TRAP1: variants seen among roughly 807,000 people sequenced by gnomAD.
TRAP1 encodes the protein heat shock protein 75 kDa, mitochondrial.
In TRAP1, 102 loss-of-function variants were observed where a neutral mutation model predicts 89.1. That is an observed-to-expected ratio of 1.15 (90% CI 0.98 to 1.35). The LOEUF is 1.35. TRAP1 is among the 40% of genes most tolerant of loss of function. The pLI, the probability that TRAP1 is intolerant of heterozygous loss-of-function variation, is 0.00. For synonymous variants in TRAP1, 508 were observed against 388.0 expected, an observed-to-expected ratio of 1.31 and a Z score of -3.64; for missense variants, 1,256 against 945.3, an observed-to-expected ratio of 1.33 and a Z score of -4.31.
At chr16:3,705,865 T>TA (rs1567245292) in intron 1 of TRAP1, among the ~76,000 whole-genome samples, 119 of 148,766 alleles carry the variant, frequency 8.0e-4, no homozygotes, top group African/African-American at 2.7e-3. Flanking sequence ...ATATATATAT[T>TA]TTTTTTTAGT....
intron 8 of TRAP1, 66 bp from the exon 9 acceptor site, chr16:3,674,560 G>C: frequency 6.4e-7 from 1 of 1,571,120 alleles, no homozygotes; most frequent in Non-Finnish European, 8.6e-7. Flanking sequence ...CCACCGTGCA[G>C]GCCTGAGCCA....
chr16:3,704,620 C>G (rs976031012), intron 1 of TRAP1, among the ~76,000 whole-genome samples: 1 of 152,152 alleles, frequency 6.6e-6, no homozygotes, highest in South Asian at 2.1e-4. Flanking sequence ...GAGATCCAGG[C>G]AGGAGGAGGC....
Position 3,664,333 on chromosome 16 carries a change from T to C in TRAP1, c.1510A>G (p.Asn504Asp), listed in dbSNP as rs1567224056. The C allele has an allele frequency of 6.2e-7, 1 of 1,612,670 alleles. No homozygotes were observed. The highest frequency in any genetic ancestry group is 2.2e-5 in the East Asian group (1 of 44,820). Residue 504 changes from asparagine to aspartate, a missense_variant, in exon 13 of 18, where the codon AAC (asparagine) becomes GAC (aspartate). Coordinates refer to ENST00000246957, the MANE Select transcript of TRAP1 (RefSeq NM_016292.3). ...TRNIYYLCAPNRHLAEHSPYY... is the reference protein window; with the variant it reads ...TRNIYYLCAPDRHLAEHSPYY... ...GGTGAGTGCTCTGCCAGGTGACGGT[T>C]GGGGGCGCACAGGTAGTAGATGTTG...
At chr16:3,709,711 C>T (rs1374008255) in intron 1 of TRAP1, among the ~76,000 whole-genome samples, 3 of 152,078 alleles carry the variant, frequency 2.0e-5, no homozygotes, top group Admixed American at 6.6e-5. Flanking sequence ...AGTGCAGTGG[C>T]GCCATCTCGG....
chr16:3,663,655 A>C, intron 13 of TRAP1, 93 bp from the exon 14 acceptor site: 1 of 1,542,586 alleles, frequency 6.5e-7, no homozygotes, highest in South Asian at 1.2e-5. Flanking sequence ...TGGGGGAGCC[A>C]AGCGGGCCAC....
At chr16:3,712,624 C>A (rs1036685991) in intron 1 of TRAP1, among the ~76,000 whole-genome samples, 3 of 152,130 alleles carry the variant, frequency 2.0e-5, no homozygotes, top group Admixed American at 6.6e-5. Flanking sequence ...GTGTTTGTTT[C>A]CAAGACAGAG....
chr16:3,666,241 T>C, intron 11 of TRAP1, 123 bp from the exon 12 acceptor site: 2 of 1,237,972 alleles, frequency 1.6e-6, no homozygotes, highest in Non-Finnish European at 2.2e-6. Context: ...AAGGTACCGT[T>C]ATTGGCCAAA....
At chr16:3,675,030 C>T (rs2050969923) in intron 8 of TRAP1, 5 of 417,328 alleles carry the variant, frequency 1.2e-5, no homozygotes, top group African/African-American at 2.0e-5. Context: ...GGTGGCTGCA[C>T]AGCTCTGTGG....
chr16:3,673,554 TG>T (rs1247837470), intron 9 of TRAP1, among the ~76,000 whole-genome samples: 3 of 151,258 alleles, frequency 2.0e-5, no homozygotes, highest in East Asian at 3.9e-4. Context: ...CTGGTTAAAA[TG>T]GGGGGGATCC....
intron 1 of TRAP1, among the ~76,000 whole-genome samples, chr16:3,696,851 C>T (rs2051294273): frequency 2.0e-5 from 3 of 152,018 alleles, no homozygotes; most frequent in South Asian, 2.1e-4. Context: ...CTCAACCTTC[C>T]GAGTAGCTGA....
chr16:3,663,593 C>A (rs1352317568), intron 13 of TRAP1, 31 bp from the exon 14 acceptor site: 1 of 1,611,798 alleles, frequency 6.2e-7, no homozygotes, highest in South Asian at 1.1e-5. Flanking sequence ...CTCCATCAGA[C>A]CCCGGGGGCC....
In TRAP1 at chr16:3,663,511, C is replaced by CA; in HGVS notation, c.1620dup (p.Glu541Ter). 6.2e-7 allele frequency: 1 copy of CA among 1,614,148 alleles called. No individual in the cohort carries two copies. The highest frequency in any genetic ancestry group is 8.5e-7 in the Non-Finnish European group (1 of 1,180,034). On this transcript the variant is annotated frameshift_variant, in exon 14 of 18. Coordinates refer to ENST00000246957, the MANE Select transcript of TRAP1 (RefSeq NM_016292.3). LOFTEE classifies it high-confidence loss of function. The stretch of plus-strand genomic sequence containing the variant: ...GAGATCAGCTTCTTCTTGTCAAACT[C>CA]ACGAAGGTGCAGCAGGGTGAGCTCA...
At chr16:3,674,819 C>T (rs191755262) in intron 8 of TRAP1, 168 of 404,848 alleles carry the variant, frequency 4.1e-4, no homozygotes, top group Middle Eastern at 7.4e-4. Context: ...AGAGCGATGA[C>T]GACCCACGCT....
At position 3,679,767 on chromosome 16, in the gene TRAP1, C is replaced by G. The variant is rs752438283; in HGVS notation, c.495G>C (p.Gln165His). The G allele has an allele frequency of 6.2e-7, 1 of 1,614,106 alleles. No homozygotes were observed. ...TCCCCAGGTTGGACACCAGCTCTTC[C>G]TGTGTCATCCCGATACCAGTATCCT... ...TIQDTGIGMT[Q>H]EELVSNLGTI... The change falls in exon 5 of 18, where the codon CAG becomes CAC. Residue 165 changes from glutamine (Q) to histidine (H), a missense_variant. Coordinates refer to ENST00000246957, the MANE Select transcript of TRAP1 (RefSeq NM_016292.3).
chr16:3,664,641 C>T lies in TRAP1; in HGVS notation c.1384-182G>A, dbSNP rs1000685395. ...CAGGCCTTGCTCTGCCCATCAGGCCCCTTTTGGGAGCTCTGGGGGCTTAGG... is the reference window on the plus strand; with the variant it reads ...CAGGCCTTGCTCTGCCCATCAGGCCTCTTTTGGGAGCTCTGGGGGCTTAGG... On this transcript the variant is annotated intron_variant, in intron 12 of 17. Transcript: ENST00000246957. The T allele has an allele frequency of 1.0e-4, 66 of 636,866 alleles. No homozygotes were observed. In the African/African-American group the frequency reaches 1.1e-3, roughly 11 times the overall value. 39.5% of individuals were successfully genotyped at this position (636,866 alleles called of 1,614,324 possible).
chr16:3,709,369 G>A lies in TRAP1; in HGVS notation c.88+8052C>T, dbSNP rs2051496031. The stretch of plus-strand genomic sequence containing the variant: ...TAACTAAGGAAATGCACTTTAAAAC[G>A]AGATAGCATTTTCACTACCAGATTG... On this transcript the variant is annotated intron_variant, in intron 1 of 17. Transcript: ENST00000246957. Among the ~76,000 whole-genome samples the A allele has an allele frequency of 2.0e-5, 3 of 152,132 alleles. No homozygotes were observed. The South Asian group carries it at 6.2e-4, about 32-fold the overall frequency.
chr16:3,698,776 G>T (rs1013484927), intron 1 of TRAP1, among the ~76,000 whole-genome samples: 1 of 151,998 alleles, frequency 6.6e-6, no homozygotes, highest in African/African-American at 2.4e-5. Context: ...GTGCATGCCT[G>T]TAGTCTCAGC....
At position 3,679,676 on chromosome 16, in the gene TRAP1, C is replaced by T. The variant is rs764752301; in HGVS notation, c.543+43G>A. 7 of 1,608,858 alleles carry T rather than the reference C, an allele frequency of 4.4e-6. No homozygotes were observed. The East Asian group carries it at 1.1e-4, about 26-fold the overall frequency. On this transcript the variant is annotated intron_variant, in intron 5 of 17. Coordinates refer to ENST00000246957, the MANE Select transcript of TRAP1 (RefSeq NM_016292.3). ...CACCCCTACTGGAGGGATCCTTGCA[C>T]CCTGAGGGGAAGGGGGAGGCTGTGT...
At chr16:3,658,278 T>C (rs2042838833) in intron 17 of TRAP1, 48 bp from the exon 18 acceptor site, 1 of 1,469,190 alleles carries the variant, frequency 6.8e-7, no homozygotes, top group Non-Finnish European at 9.3e-7. Context: ...GGGGCACCTT[T>C]TCATTTTTTT....
Sources: allele counts gnomAD v4.1 joint callset (sites outside exome capture counted in the v4.1 genomes callset), GRCh38; gene constraint gnomAD v4.1.1; transcripts MANE v1.5; gene names NCBI Gene and HGNC (gene_info 2026-07-23, HGNC 2026-07-21).